The following ZNF114 variants were observed in gnomAD, a reference collection of about 807,000 sequenced individuals.
ZNF114 encodes zinc finger protein 114 (Y18).
ZNF114 carries 8 observed loss-of-function variants against 6.8 expected under a neutral mutation model. The observed-to-expected ratio is 1.18, with a 90% CI of 0.69 to 2.13. The LOEUF (loss-of-function observed/expected upper bound fraction) is 2.13. ZNF114 is among the 30% of genes most tolerant of loss of function. ZNF114 has a pLI of 0.00. For missense variants in ZNF114, 472 were observed against 519.5 expected (o/e 0.91, Z 0.89); for synonymous variants, 169 against 185.5 (o/e 0.91, Z 0.72).
chr19:48,280,454 C>T (rs546854994), intron 4 of ZNF114, among the ~76,000 whole-genome samples: 1 of 151,932 alleles, frequency 6.6e-6, no homozygotes, highest in South Asian at 2.1e-4. Flanking sequence ...ACAGGGGACA[C>T]TAGGCGTTTA....
At chr19:48,273,784 G>A (rs1390369569) in intron 3 of ZNF114, among the ~76,000 whole-genome samples, 1 of 143,230 alleles carries the variant, frequency 7.0e-6, no homozygotes, top group Non-Finnish European at 1.5e-5. Context: ...TTGAGACGGA[G>A]TCTCGCTCTG....
chr19:48,274,498 ATATATATATT>A (rs1967768828), intron 3 of ZNF114, among the ~76,000 whole-genome samples: 1 of 48,702 alleles, frequency 2.1e-5, no homozygotes, highest in East Asian at 1.3e-3. Flanking sequence ...ATATATATAT[ATATATATATT>A]TTTTTTTTTT....
chr19:48,278,173 T>C (rs1384713562), intron 3 of ZNF114, among the ~76,000 whole-genome samples: 3 of 152,220 alleles, frequency 2.0e-5, no homozygotes, highest in African/African-American at 7.2e-5. Context: ...TGACCTCAAG[T>C]GATCCACCTG....
rs545483719 is a variant in ZNF114, at chr19:48,284,517, G to A, written c.137-1244G>A. ...TCAGTCTCAGCTCACTGCAATCTCTGCCTGCCGGATTCAAGTGATTCTCCT... is the reference window on the plus strand; with the variant it reads ...TCAGTCTCAGCTCACTGCAATCTCTACCTGCCGGATTCAAGTGATTCTCCT... On this transcript the variant is annotated intron_variant, in intron 5 of 5. Coordinates refer to ENST00000595607, the MANE Select transcript of ZNF114 (RefSeq NM_153608.4). Among the ~76,000 whole-genome samples, 5 of 152,256 alleles carry A rather than the reference G, an allele frequency of 3.3e-5. No homozygotes were observed. In the South Asian group the frequency reaches 1.0e-3, roughly 32 times the overall value.
At chr19:48,274,513 T>A (rs953627456) in intron 3 of ZNF114, among the ~76,000 whole-genome samples, 55 of 64,626 alleles carry the variant, frequency 8.5e-4, no homozygotes, top group Admixed American at 6.2e-3. Flanking sequence ...TATATTTTTT[T>A]TTTTTTTTTT....
At chr19:48,278,233 G>T (rs556692306) in intron 3 of ZNF114, among the ~76,000 whole-genome samples, 1 of 152,178 alleles carries the variant, frequency 6.6e-6, no homozygotes, top group Non-Finnish European at 1.5e-5. Context: ...AACGCGCCCG[G>T]CCCAATTCAC....
Position 48,286,730 on chromosome 19 carries a change from T to G in ZNF114, c.1106T>G (p.Val369Gly). 6.2e-7 allele frequency: 1 copy of G among 1,613,824 alleles called. No homozygotes were observed. Among genetic ancestry groups the G allele is most frequent in the Non-Finnish European group, 8.5e-7 (1 of 1,179,980 alleles). The change falls in exon 6 of 6, where the codon GTC becomes GGC. Residue 369 changes from valine (V) to glycine (G), a missense_variant. By Grantham distance (109) the Val-to-Gly change is moderately radical. Transcript: ENST00000595607. ...KPYECEECGKVIRESSKYTHI... is the reference protein window; with the variant it reads ...KPYECEECGKGIRESSKYTHI... ...TACGAATGTGAAGAATGTGGGAAAG[T>G]CATTCGGGAGTCCTCAAAATATACA...
chr19:48,276,812 C>T (rs565113263), intron 3 of ZNF114, among the ~76,000 whole-genome samples: 34 of 152,292 alleles, frequency 2.2e-4, no homozygotes, highest in African/African-American at 8.2e-4. Flanking sequence ...GTGTGAACCA[C>T]CCAGCCCAGC....
At position 48,282,433 on chromosome 19, in the gene ZNF114, C is replaced by T; in HGVS notation, c.72C>T (p.Asp24=). The change falls in exon 5 of 6, where the codon GAC becomes GAT. Residue 24 remains aspartate (D), a synonymous_variant. Transcript: ENST00000595607. ...CCAAAGAGGAGTGGACCCTGCTGGACCCAGCTCAGAGGAATCTCTACAGAG... is the reference window on the plus strand; with the variant it reads ...CCAAAGAGGAGTGGACCCTGCTGGATCCAGCTCAGAGGAATCTCTACAGAG... The part of the protein sequence containing the change: ...NFTKEEWTLL[D]PAQRNLYRDV... The T allele has an allele frequency of 6.2e-7, 1 of 1,613,502 alleles. No homozygotes were observed. The highest frequency in any genetic ancestry group is 8.5e-7 in the Non-Finnish European group (1 of 1,179,680).
chr19:48,283,563 C>T (rs894500125), intron 5 of ZNF114, among the ~76,000 whole-genome samples: 14 of 152,120 alleles, frequency 9.2e-5, no homozygotes, highest in Non-Finnish European at 1.0e-4. Flanking sequence ...GTGAACATTA[C>T]AGGACCAACA....
chr19:48,272,935 A>G (rs1967712682), intron 3 of ZNF114, among the ~76,000 whole-genome samples: 1 of 151,124 alleles, frequency 6.6e-6, no homozygotes, highest in Non-Finnish European at 1.5e-5. Context: ...AGCTGGGACT[A>G]CAGGCGCCCG....
chr19:48,270,969 T>A (rs1366623669), intron 1 of ZNF114: 1 of 147,862 alleles, frequency 6.8e-6, no homozygotes, highest in Non-Finnish European at 1.5e-5. Flanking sequence ...GGCGAGAGAA[T>A]GGCATGAACC....
intron 3 of ZNF114, among the ~76,000 whole-genome samples, chr19:48,274,492 ATATATATATATATATT>A (rs1256316626): frequency 9.1e-6 from 1 of 110,254 alleles, no homozygotes; most frequent in Non-Finnish European, 1.8e-5. Flanking sequence ...TTATATATAT[ATATATATATATATATT>A]TTTTTTTTTT....
intron 5 of ZNF114, 122 bp downstream of exon 5, chr19:48,282,619 C>T (rs1968020888): frequency 8.3e-7 from 1 of 1,208,890 alleles, no homozygotes; most frequent in Non-Finnish European, 1.1e-6. Flanking sequence ...AGCTGCTGCC[C>T]CCCAGGTAGT....
Position 48,286,900 on chromosome 19 carries a change from A to T in ZNF114, c.*22A>T, listed in dbSNP as rs1968148338. 6.5e-7 allele frequency: 1 copy of T among 1,537,080 alleles called. No homozygotes were observed. Among genetic ancestry groups the T allele is most frequent in the Non-Finnish European group, 8.7e-7 (1 of 1,149,544 alleles). ...ATGAAAGGAAGGTGGAAAATTTTTC[A>T]TTAATTTTCTGACTGTACCAAACAT... is the stretch of plus-strand genomic sequence containing the variant. On this transcript the variant is annotated 3_prime_UTR_variant, in exon 6 of 6. Transcript: ENST00000595607.
At chr19:48,277,792 T>TG (rs372838199) in intron 3 of ZNF114, among the ~76,000 whole-genome samples, 1 of 126,104 alleles carries the variant, frequency 7.9e-6, no homozygotes, top group African/African-American at 3.3e-5. Context: ...AGGGAGGCAT[T>TG]GGGTGTGTGT....
chr19:48,279,566 GGTGT>G (rs1253581191), intron 3 of ZNF114, among the ~76,000 whole-genome samples, 161 bp from the exon 4 acceptor site: 1 of 128,402 alleles, frequency 7.8e-6, no homozygotes, highest in African/African-American at 3.0e-5. Context: ...GGGGTGTGTG[GGTGT>G]GTGGGTGGGT....
chr19:48,275,210 G>A (rs897703190), intron 3 of ZNF114, among the ~76,000 whole-genome samples: 5 of 130,248 alleles, frequency 3.8e-5, no homozygotes, highest in Non-Finnish European at 8.0e-5. Context: ...GAGAGGAAGA[G>A]AGAAAGAGAG....
At chr19:48,284,441 AAAAG>A (rs1404527191) in intron 5 of ZNF114, among the ~76,000 whole-genome samples, 2 of 151,882 alleles carry the variant, frequency 1.3e-5, no homozygotes, top group Non-Finnish European at 2.9e-5. Flanking sequence ...AAAGGAAAAA[AAAAG>A]AAAGAAAAAA....
Sources: allele counts gnomAD v4.1 joint callset (sites outside exome capture counted in the v4.1 genomes callset), GRCh38; gene constraint gnomAD v4.1.1; transcripts MANE v1.5; gene names NCBI Gene and HGNC (gene_info 2026-07-23, HGNC 2026-07-21).